STX16: variants seen among roughly 807,000 people sequenced by gnomAD.
The protein encoded by STX16 is syntaxin-16.
A neutral mutation model predicts 42.7 loss-of-function variants in STX16; 28 were observed. The observed-to-expected ratio is 0.66, with a 90% CI of 0.49 to 0.90. The LOEUF is 0.90. Among genes scored for constraint, STX16 ranks in the 40% least tolerant of loss-of-function variants. The pLI is 0.00. For synonymous variants in STX16, 156 were observed against 155.2 expected (o/e 1.00, Z -0.04); for missense variants, 361 against 420.9 (o/e 0.86, Z 1.24).
rs2083465417 is a variant in STX16 at position 58,651,935 on chromosome 20, G to C, written c.-72G>C. ...AAAGGGTGGGCCAGCCGGGCCACGAGAAAGAAAGTGAATAAATCAGGAATA... is the reference window on the plus strand; with the variant it reads ...AAAGGGTGGGCCAGCCGGGCCACGACAAAGAAAGTGAATAAATCAGGAATA... On this transcript the variant is annotated 5_prime_UTR_variant, in exon 1 of 9. Transcript: ENST00000371141. 1.9e-6 allele frequency: 3 copies of C among 1,540,630 alleles called. No individual in the cohort carries two copies. The highest frequency in any genetic ancestry group is 2.7e-6 in the Non-Finnish European group (3 of 1,120,586).
intron 2 of STX16, among the ~76,000 whole-genome samples, chr20:58,666,713 G>A (rs1601025660): frequency 6.6e-6 from 1 of 152,274 alleles, no homozygotes; most frequent in East Asian, 1.9e-4. Context: ...ACAGGCGTGA[G>A]CCACCGCGCC....
Position 58,651,370 on chromosome 20 carries a change from T to G in STX16, c.-637T>G, listed in dbSNP as rs1179540662. Reference sequence around the variant, plus strand: ...GTCTTCCTGCAGGCCGGCAGCCTGCTGGCAGTGGAGGACCAGGCCGTCCAG... The same window carrying G: ...GTCTTCCTGCAGGCCGGCAGCCTGCGGGCAGTGGAGGACCAGGCCGTCCAG... On this transcript the variant is annotated 5_prime_UTR_variant, in exon 1 of 9. Coordinates refer to ENST00000371141, the MANE Select transcript of STX16 (RefSeq NM_001001433.3). 1 of 153,058 alleles carries G rather than the reference T, an allele frequency of 6.5e-6. No individual in the cohort carries two copies. Among genetic ancestry groups the G allele is most frequent in the African/African-American group, 2.4e-5 (1 of 41,446 alleles). The allele number at this position is 153,058 out of a possible 1,614,324, so 9.5% of individuals were successfully genotyped here.
chr20:58,671,166 G>C lies in STX16; in HGVS notation c.661G>C (p.Asp221His). The change falls in exon 7 of 9, where the codon GAC becomes CAC. Residue 221 changes from aspartate (D) to histidine (H), a missense_variant. Physicochemically the swap from Asp to His is moderately conservative, Grantham distance 81 (BLOSUM62 -1). Transcript: ENST00000371141. Reference protein sequence around the residue: ...NTLYHRGFTEDQLVLVEQNTL... With the variant: ...NTLYHRGFTEHQLVLVEQNTL... ...ACTGTCTTGCTAGGGTTTTACAGAG[G>C]ACCAGTTAGTTCTGGTGGAGCAGAA... The C allele has an allele frequency of 1.2e-6, 2 of 1,613,896 alleles. No homozygotes were observed. The highest frequency in any genetic ancestry group is 1.7e-6 in the Non-Finnish European group (2 of 1,179,882).
intron 2 of STX16, among the ~76,000 whole-genome samples, chr20:58,664,000 T>G (rs1290995696): frequency 1.3e-5 from 2 of 152,192 alleles, no homozygotes; most frequent in African/African-American, 4.8e-5. Context: ...ATCATATATT[T>G]GGAGGGGGCA....
In STX16 at chr20:58,678,476, C is replaced by T. The variant is rs2084189585; in HGVS notation, c.*2185C>T. On this transcript the variant is annotated 3_prime_UTR_variant, in exon 9 of 9. Coordinates refer to ENST00000371141, the MANE Select transcript of STX16 (RefSeq NM_001001433.3). ...CCTAGCCAACATGGTGAAACCCCGT[C>T]TCTACAAAAAATACAAAAATTAGCC... 6.6e-6 allele frequency: 1 copy of T among 152,020 alleles called. No individual in the cohort carries two copies. Among genetic ancestry groups the T allele is most frequent in the Non-Finnish European group, 1.5e-5 (1 of 68,042 alleles). The allele number at this position is 152,020 out of a possible 1,614,324, so 9.4% of individuals were successfully genotyped here.
At chr20:58,664,908 A>G (rs767263631) in intron 2 of STX16, among the ~76,000 whole-genome samples, 3 of 152,200 alleles carry the variant, frequency 2.0e-5, no homozygotes, top group Non-Finnish European at 4.4e-5. Flanking sequence ...TCGATAATAA[A>G]CTGGTGTAGT....
Position 58,667,986 on chromosome 20 carries a change from G to C in STX16, c.253-1G>C, listed in dbSNP as rs113258685. ...GGAGTTCTGTGACTTCATTTGCTTA[G>C]ATTCAGTATGATGTTGGCCGGATTA... On this transcript the variant is annotated splice_acceptor_variant, in intron 3 of 8. Coordinates refer to ENST00000371141, the MANE Select transcript of STX16 (RefSeq NM_001001433.3). LOFTEE classifies it high-confidence loss of function. 6.2e-7 allele frequency: 1 copy of C among 1,614,222 alleles called. No individual in the cohort carries two copies. The highest frequency in any genetic ancestry group is 8.5e-7 in the Non-Finnish European group (1 of 1,180,040).
intron 2 of STX16, among the ~76,000 whole-genome samples, chr20:58,666,827 C>A (rs573068916): frequency 1.3e-5 from 2 of 152,286 alleles, no homozygotes; most frequent in East Asian, 3.9e-4. Flanking sequence ...GGGAAATGTT[C>A]CCTGTGGACA....
At chr20:58,674,590 C>T (rs1341209044) in intron 8 of STX16, among the ~76,000 whole-genome samples, 2 of 152,162 alleles carry the variant, frequency 1.3e-5, no homozygotes, top group Non-Finnish European at 2.9e-5. Context: ...ATTGGGTTTA[C>T]AAAAAGTCAG....
intron 2 of STX16, 55 bp downstream of exon 2, chr20:58,659,689 T>G: frequency 6.3e-7 from 1 of 1,584,598 alleles, no homozygotes; most frequent in South Asian, 1.1e-5. Flanking sequence ...ATAAAATACC[T>G]ACTTTTCCTG....
At chr20:58,664,182 T>A (rs1283126495) in intron 2 of STX16, among the ~76,000 whole-genome samples, 2 of 152,266 alleles carry the variant, frequency 1.3e-5, no homozygotes, top group Non-Finnish European at 2.9e-5. Flanking sequence ...AAAGGGTGCT[T>A]ATGTTGCACA....
chr20:58,652,414 G>A (rs943996102), intron 1 of STX16: 1 of 507,912 alleles, frequency 2.0e-6, no homozygotes, highest in Non-Finnish European at 3.5e-6. Context: ...CTGCGCTACA[G>A]GCCGCCTGTA....
rs990550776 is a variant in STX16 at position 58,657,524 on chromosome 20, G to A, written c.133-2099G>A. ...GTTTCCACTTATTTTTCAGTTTTAT[G>A]TAGAAAGTTCTTTAGACTATAAATT... On this transcript the variant is annotated intron_variant, in intron 1 of 8. Transcript: ENST00000371141. This position sits in a 1 kb window ranked among gnomAD's most constrained non-coding sequence, Gnocchi z 4.2. Among the ~76,000 whole-genome samples, 1 of 152,134 alleles carries A rather than the reference G, an allele frequency of 6.6e-6. No homozygotes were observed. Among genetic ancestry groups the A allele is most frequent in the African/African-American group, 2.4e-5 (1 of 41,434 alleles).
At chr20:58,654,986 TTATAG>T (rs997185938) in intron 1 of STX16, among the ~76,000 whole-genome samples, 2 of 152,200 alleles carry the variant, frequency 1.3e-5, no homozygotes, top group Non-Finnish European at 2.9e-5. Context: ...AGTATATTTG[TTATAG>T]TAAAGTAAAA....
At position 58,669,357 on chromosome 20, in the gene STX16, G is replaced by C; in HGVS notation, c.460G>C (p.Glu154Gln). 1 of 1,611,956 alleles carries C rather than the reference G, an allele frequency of 6.2e-7. No homozygotes were observed. Residue 154 changes from glutamate (E) to glutamine (Q), a missense_variant, in exon 5 of 9, where the codon GAG becomes CAG. By Grantham distance (29) the Glu-to-Gln change is conservative. Coordinates refer to ENST00000371141, the MANE Select transcript of STX16 (RefSeq NM_001001433.3). ...PSRARACSEQ[E>Q]GRLLGNVVAS... Reference sequence around the variant, plus strand: ...CCGGGCCCGGGCCTGCTCCGAGCAGGAGGGGCGGCTGCTTGGGAACGTGGT... The same window carrying C: ...CCGGGCCCGGGCCTGCTCCGAGCAGCAGGGGCGGCTGCTTGGGAACGTGGT...
intron 2 of STX16, among the ~76,000 whole-genome samples, chr20:58,666,863 T>C (rs1461316959): frequency 6.6e-6 from 1 of 152,234 alleles, no homozygotes; most frequent in Non-Finnish European, 1.5e-5. Context: ...GAAATGACAG[T>C]GTAAGATTGC....
intron 1 of STX16, among the ~76,000 whole-genome samples, chr20:58,655,844 G>T (rs2083573541): frequency 6.6e-6 from 1 of 152,218 alleles, no homozygotes; most frequent in South Asian, 2.1e-4. Context: ...TCAGCATCCA[G>T]AACTGAGCAA....
chr20:58,661,541 T>G (rs2083699664), intron 2 of STX16, among the ~76,000 whole-genome samples: 1 of 152,270 alleles, frequency 6.6e-6, no homozygotes, highest in Non-Finnish European at 1.5e-5. Context: ...CCTTGTGCGT[T>G]TCACTTGCCT....
intron 2 of STX16, among the ~76,000 whole-genome samples, chr20:58,662,785 C>G (rs1273125547): frequency 6.6e-6 from 1 of 152,192 alleles, no homozygotes; most frequent in Non-Finnish European, 1.5e-5. Context: ...GCCTTGGCCT[C>G]CCAAGTGCTA....
Sources: allele counts gnomAD v4.1 joint callset (sites outside exome capture counted in the v4.1 genomes callset), GRCh38; gene constraint gnomAD v4.1.1; non-coding constraint Gnocchi (gnomAD v3.1); transcripts MANE v1.5; gene names NCBI Gene and HGNC (gene_info 2026-07-23, HGNC 2026-07-21).